The following PDGFD variants were observed in gnomAD, a reference collection of about 807,000 sequenced individuals.
PDGFD encodes platelet-derived growth factor D.
In PDGFD, 30 loss-of-function variants were observed where a neutral mutation model predicts 44.7. That is an observed-to-expected ratio of 0.67 (90% confidence interval 0.50 to 0.91). PDGFD has a LOEUF of 0.91. Among genes scored for constraint, PDGFD ranks in the 40% least tolerant of loss-of-function variants. PDGFD has a pLI of 0.00. For synonymous variants in PDGFD, 173 were observed against 168.4 expected (o/e 1.03, Z -0.21); for missense variants, 445 against 457.8 (o/e 0.97, Z 0.25).
chr11:103,949,644 T>C (rs893334323), intron 3 of PDGFD, among the ~76,000 whole-genome samples: 1 of 152,220 alleles, frequency 6.6e-6, no homozygotes, highest in African/African-American at 2.4e-5. Flanking sequence ...ATTAATACTT[T>C]CTGAGCTGTG....
intron 1 of PDGFD, among the ~76,000 whole-genome samples, chr11:104,138,236 A>C (rs1862038393): frequency 6.6e-6 from 1 of 152,222 alleles, no homozygotes; most frequent in South Asian, 2.1e-4. Flanking sequence ...TAGAGAAAAA[A>C]TGACAACACA....
chr11:103,937,658 T>C (rs1442482393), intron 5 of PDGFD, among the ~76,000 whole-genome samples: 1 of 151,234 alleles, frequency 6.6e-6, no homozygotes, highest in African/African-American at 2.4e-5. Flanking sequence ...ACCCATTAAC[T>C]CGTCATTTAA....
At chr11:103,952,340 C>G (rs1450959674) in intron 3 of PDGFD, among the ~76,000 whole-genome samples, 1 of 152,178 alleles carries the variant, frequency 6.6e-6, no homozygotes, top group Non-Finnish European at 1.5e-5. Context: ...GCTTTTCAAG[C>G]AATGTCTTAT....
At chr11:104,155,619 G>T (rs569584730) in intron 1 of PDGFD, among the ~76,000 whole-genome samples, 58 of 152,244 alleles carry the variant, frequency 3.8e-4, no homozygotes, top group African/African-American at 1.2e-3. Flanking sequence ...AAAGACAAAT[G>T]GGCTTTTAGT....
In PDGFD at chr11:103,941,712, GA is replaced by G. The variant is rs34054949; in HGVS notation, c.772+1739del. Among the ~76,000 whole-genome samples the G allele has an allele frequency of 2.0e-5, 3 of 151,738 alleles. No homozygotes were observed. In the South Asian group the frequency reaches 6.2e-4, roughly 31 times the overall value. On this transcript the variant is annotated intron_variant, in intron 5 of 6. Transcript: ENST00000393158. The stretch of plus-strand genomic sequence containing the variant: ...TCCAACTCAACACAATTTCTAGGGG[GA>G]AAAAAAGTAATGGATTTAGGTGATT...
chr11:103,954,540 C>T (rs1004285435), intron 3 of PDGFD, among the ~76,000 whole-genome samples: 4 of 152,162 alleles, frequency 2.6e-5, no homozygotes, highest in Non-Finnish European at 5.9e-5. Flanking sequence ...TTCACCAGCA[C>T]TTAAAACATA....
intron 1 of PDGFD, among the ~76,000 whole-genome samples, chr11:104,013,182 A>G (rs1182431721): frequency 1.3e-5 from 2 of 152,152 alleles, no homozygotes; most frequent in Non-Finnish European, 2.9e-5. Context: ...GGGGAAGATT[A>G]TCTTCCCAAT....
At chr11:104,118,942 TATA>T (rs1488174231) in intron 1 of PDGFD, among the ~76,000 whole-genome samples, 4 of 83,330 alleles carry the variant, frequency 4.8e-5, no homozygotes, top group African/African-American at 1.6e-4. Context: ...TAATATATAT[TATA>T]ATAATATATC....
At chr11:104,099,760 G>T (rs557727191) in intron 1 of PDGFD, among the ~76,000 whole-genome samples, 15 of 151,408 alleles carry the variant, frequency 9.9e-5, no homozygotes, top group Non-Finnish European at 1.6e-4. Context: ...TGAAATTTTG[G>T]TTAAATCAAA....
chr11:104,163,452 G>A (rs1035528755), intron 1 of PDGFD, among the ~76,000 whole-genome samples: 2 of 152,150 alleles, frequency 1.3e-5, no homozygotes, highest in South Asian at 2.1e-4. Context: ...CCTAAGAAAG[G>A]TTGAGTCTGA....
chr11:103,950,604 G>A (rs369208235), intron 3 of PDGFD, among the ~76,000 whole-genome samples: 2 of 81,060 alleles, frequency 2.5e-5, no homozygotes, highest in African/African-American at 6.9e-5. Context: ...ATAAGAAAAT[G>A]AATGCTTAGA....
At chr11:104,089,009 C>A (rs1248030804) in intron 1 of PDGFD, among the ~76,000 whole-genome samples, 1 of 151,804 alleles carries the variant, frequency 6.6e-6, no homozygotes, top group African/African-American at 2.4e-5. Flanking sequence ...CTTCCAAAAG[C>A]TAAAGTTAGA....
intron 1 of PDGFD, among the ~76,000 whole-genome samples, chr11:104,093,693 T>A (rs945331268): frequency 4.6e-5 from 7 of 151,918 alleles, no homozygotes; most frequent in Non-Finnish European, 8.8e-5. Flanking sequence ...GAAAACAGAA[T>A]CTATGAGGCT....
In PDGFD at chr11:103,935,918, G is replaced by A. The variant is rs187507470; in HGVS notation, c.772+7534C>T. Among the ~76,000 whole-genome samples, 5 of 152,286 alleles carry A rather than the reference G, an allele frequency of 3.3e-5. No homozygotes were observed. In the East Asian group the frequency reaches 7.7e-4, roughly 23 times the overall value. ...CACTGCTACTGATTTTAGGATTTGA[G>A]TTAGAATTTTATTACAAGTTAGTTT... On this transcript the variant is annotated intron_variant, in intron 5 of 6. Coordinates refer to ENST00000393158, the MANE Select transcript of PDGFD (RefSeq NM_025208.5).
chr11:104,037,956 G>C, intron 1 of PDGFD: 1 of 1,614,128 alleles, frequency 6.2e-7, no homozygotes. Flanking sequence ...GGCAAGATGA[G>C]TCTTCGGACA....
chr11:103,955,834 C>A (rs1286308816), intron 3 of PDGFD, among the ~76,000 whole-genome samples: 3 of 151,976 alleles, frequency 2.0e-5, no homozygotes, highest in Non-Finnish European at 4.4e-5. Context: ...ATAAGACACA[C>A]AGATTTTCAC....
intron 5 of PDGFD, among the ~76,000 whole-genome samples, chr11:103,929,930 G>C (rs1228943210): frequency 6.6e-6 from 1 of 152,152 alleles, no homozygotes; most frequent in Non-Finnish European, 1.5e-5. Context: ...TCAACCGAGA[G>C]AGAGGGGCTG....
At chr11:103,996,354 C>A (rs1859534590) in intron 2 of PDGFD, 109 bp from the exon 3 acceptor site, 1 of 990,454 alleles carries the variant, frequency 1.0e-6, no homozygotes, top group Non-Finnish European at 1.5e-6. Context: ...TGACCACAAT[C>A]TGAAATGAAA....
At chr11:103,976,897 C>G (rs142528456) in intron 3 of PDGFD, among the ~76,000 whole-genome samples, 1 of 151,766 alleles carries the variant, frequency 6.6e-6, no homozygotes, top group Non-Finnish European at 1.5e-5. Context: ...AGGGATGAAG[C>G]CAGGAGCTGT....
Sources: gnomAD v4.1 joint callset for allele counts (sites outside exome capture counted in the v4.1 genomes callset) on GRCh38, gnomAD v4.1.1 for gene constraint, MANE v1.5 for transcripts, NCBI Gene and HGNC (gene_info 2026-07-23, HGNC 2026-07-21) for gene names.